TRMT6: variants seen among roughly 807,000 people sequenced by gnomAD.
TRMT6 encodes tRNA methyltransferase 6 non-catalytic subunit.
Under a neutral mutation model 59.0 loss-of-function variants are expected in TRMT6, and 34 were observed. That is an observed-to-expected ratio of 0.58 (90% confidence interval 0.44 to 0.77). The LOEUF (loss-of-function observed/expected upper bound fraction) is 0.77. TRMT6 is among the 30% of genes least tolerant of loss of function. The pLI, the probability that TRMT6 is intolerant of heterozygous loss-of-function variation, is 0.00. For synonymous variants in TRMT6, 217 were observed against 210.5 expected (o/e 1.03, Z -0.27); for missense variants, 575 against 604.5 (o/e 0.95, Z 0.51).
chr20:5,942,235 G>A (rs1422740575), intron 7 of TRMT6, 193 bp downstream of exon 7: 141 of 721,700 alleles, frequency 2.0e-4, no homozygotes, highest in African/African-American at 8.8e-5. Flanking sequence ...TCTATGCAAC[G>A]CTTCTGTATC....
At chr20:5,944,777 A>T in intron 3 of TRMT6, 28 bp downstream of exon 3, 1 of 1,582,516 alleles carries the variant, frequency 6.3e-7, no homozygotes, top group Non-Finnish European at 8.7e-7. Context: ...ACAGACAAAA[A>T]CAAAACTAAA....
chr20:5,943,179 T>C (rs573406512), intron 6 of TRMT6, among the ~76,000 whole-genome samples: 1 of 139,568 alleles, frequency 7.2e-6, no homozygotes, highest in African/African-American at 3.2e-5. Flanking sequence ...TGTTGTATTC[T>C]TCCAGAGAGA....
chr20:5,950,227 G>A lies in TRMT6; in HGVS notation c.128+51C>T, dbSNP rs374533662. On this transcript the variant is annotated intron_variant, in intron 1 of 10. Coordinates refer to ENST00000203001, the MANE Select transcript of TRMT6 (RefSeq NM_015939.5). Reference sequence around the variant, plus strand: ...CTGTGGAGAAACCTGGAGGGAGGGGGTATCTACAAGGTGGGGGCGGGAGAC... The same window carrying A: ...CTGTGGAGAAACCTGGAGGGAGGGGATATCTACAAGGTGGGGGCGGGAGAC... The A allele has an allele frequency of 2.7e-6, 4 of 1,496,016 alleles. No homozygotes were observed. The South Asian group carries it at 3.7e-5, about 14-fold the overall frequency. 92.7% of individuals were successfully genotyped at this position (1,496,016 alleles called of 1,614,324 possible).
At position 5,938,558 on chromosome 20, in the gene TRMT6, T is replaced by C; in HGVS notation, c.1471A>G (p.Lys491Glu). The C allele has an allele frequency of 6.2e-7, 1 of 1,614,136 alleles. No homozygotes were observed. The highest frequency in any genetic ancestry group is 8.5e-7 in the Non-Finnish European group (1 of 1,180,006). Residue 491 changes from lysine to glutamate, a missense_variant, in exon 11 of 11, where the codon AAA becomes GAA. Transcript: ENST00000203001. Reference sequence around the variant, plus strand: ...GGTTAAGAGTCAGACTCTGGGCATTTTCGTTTTTTAGCTGCAGGCTCCTCA... The same window carrying C: ...GGTTAAGAGTCAGACTCTGGGCATTCTCGTTTTTTAGCTGCAGGCTCCTCA... ...ETEEPAAKKR[K>E]CPESDS
Position 5,944,855 on chromosome 20 carries a change from G to T in TRMT6, c.316C>A (p.Leu106Ile). Reference protein sequence around the residue: ...NIVDDGKSQKLTQDDIKALKD... With the variant: ...NIVDDGKSQKITQDDIKALKD... ...AAAGCTTTTATGTCATCTTGAGTAA[G>T]TTTCTGAGATTTCCCATCATCAACT... is the stretch of plus-strand genomic sequence containing the variant. The change falls in exon 3 of 11, where the codon CTT becomes ATT. Residue 106 changes from leucine (L) to isoleucine (I), a missense_variant. Transcript: ENST00000203001. The T allele has an allele frequency of 6.2e-7, 1 of 1,614,026 alleles. No homozygotes were observed. The highest frequency in any genetic ancestry group is 8.5e-7 in the Non-Finnish European group (1 of 1,179,954).
intron 2 of TRMT6, 50 bp from the exon 3 acceptor site, chr20:5,944,964 C>T: frequency 6.8e-7 from 1 of 1,463,186 alleles, no homozygotes; most frequent in Admixed American, 1.7e-5. Flanking sequence ...AATTATTTGA[C>T]ACTTTCTTTT....
At chr20:5,950,215 T>C (rs1167778273) in intron 1 of TRMT6, 63 bp downstream of exon 1, 9 of 1,472,634 alleles carry the variant, frequency 6.1e-6, no homozygotes, top group Non-Finnish European at 8.2e-6. Context: ...TGGAGAAACC[T>C]GGAGGGAGGG....
chr20:5,943,804 G>A (rs1227199477), intron 5 of TRMT6, 121 bp from the exon 6 acceptor site: 2 of 1,527,730 alleles, frequency 1.3e-6, no homozygotes, highest in Non-Finnish European at 1.8e-6. Context: ...GATTGCTTTG[G>A]AGGTGACAGT....
At position 5,938,679 on chromosome 20, in the gene TRMT6, C is replaced by A; in HGVS notation, c.1350G>T (p.Gly450=). The A allele has an allele frequency of 6.2e-7, 1 of 1,614,128 alleles. No homozygotes were observed. Among genetic ancestry groups the A allele is most frequent in the South Asian group, 1.1e-5 (1 of 91,080 alleles). ...SHPKLLMSGG[G]GYLLSGFTVA... ...CGGTGAAGCCGGAGAGAAGATAACC[C>A]CCACCTCCACTCATCAGCAGTTTAG... Residue 450 remains glycine, a synonymous_variant, in exon 11 of 11, where the codon GGG becomes GGT. Transcript: ENST00000203001.
rs151034191 is a variant in TRMT6 at position 5,938,466 on chromosome 20, T to C, written c.*69A>G. 7.8e-4 allele frequency: 1,132 copies of C among 1,453,890 alleles called. 4 individuals are homozygous for C. In the African/African-American group the frequency reaches 0.015, roughly 19 times the overall value. The allele number at this position is 1,453,890 out of a possible 1,614,324, so 90.1% of individuals were successfully genotyped here. A position where few individuals can be genotyped will look rare whatever the true frequency, so the allele number is the denominator to read the frequency against. ...TGGGATATGAAAAAACAAGTAGTAA[T>C]GGCATTTAAAGTTTAATTACTAACT... On this transcript the variant is annotated 3_prime_UTR_variant, in exon 11 of 11. Transcript: ENST00000203001.
intron 1 of TRMT6, among the ~76,000 whole-genome samples, chr20:5,949,446 CT>C (rs2088752466): frequency 6.6e-6 from 1 of 152,208 alleles, no homozygotes; most frequent in Admixed American, 6.5e-5. Flanking sequence ...GCTCTTAGGA[CT>C]TAACAACCTC....
chr20:5,941,030 G>A (rs1239303462), intron 10 of TRMT6, 23 bp downstream of exon 10: 15 of 1,593,594 alleles, frequency 9.4e-6, no homozygotes, highest in Non-Finnish European at 1.2e-5. Flanking sequence ...GCAGCTCTTG[G>A]GACTGGCTGT....
chr20:5,948,987 G>C (rs890567130), intron 1 of TRMT6, among the ~76,000 whole-genome samples: 8 of 152,134 alleles, frequency 5.3e-5, no homozygotes, highest in African/African-American at 1.9e-4. Flanking sequence ...ATACTTCCCA[G>C]TCTGCAGAAA....
chr20:5,940,751 G>A (rs2088648770), intron 10 of TRMT6, among the ~76,000 whole-genome samples: 1 of 152,140 alleles, frequency 6.6e-6, no homozygotes, highest in Non-Finnish European at 1.5e-5. Context: ...CTGAGTAGCT[G>A]GGACTACAGG....
In TRMT6 at chr20:5,941,313, G is replaced by GGAGT. The variant is rs1568557872; in HGVS notation, c.1141_1144dup (p.Pro382HisfsTer47). ...AAAGTCCAGCAAAGACAGCAGCAGGGGAGTGGGGTGGAAACGACTAGCTAC... is the reference window on the plus strand; with the variant it reads ...AAAGTCCAGCAAAGACAGCAGCAGGGGAGTGAGTGGGGTGGAAACGACTAGCTAC... On this transcript the variant is annotated frameshift_variant, in exon 9 of 11. Coordinates refer to ENST00000203001, the MANE Select transcript of TRMT6 (RefSeq NM_015939.5). LOFTEE classifies it high-confidence loss of function. The GGAGT allele has an allele frequency of 6.2e-7, 1 of 1,614,148 alleles. No individual in the cohort carries two copies. Among genetic ancestry groups the GGAGT allele is most frequent in the East Asian group, 2.2e-5 (1 of 44,892 alleles).
intron 1 of TRMT6, 25 bp downstream of exon 1, chr20:5,950,253 C>T (rs1354493034): frequency 1.9e-6 from 3 of 1,583,364 alleles, no homozygotes; most frequent in South Asian, 1.1e-5. Context: ...GGCGGGAGAC[C>T]CCTAAAATCA....
Position 5,937,792 on chromosome 20 carries a change from ATGTG to A in TRMT6, c.*739_*742del, listed in dbSNP as rs1012078067. 1.3e-5 allele frequency: 2 copies of A among 152,166 alleles called. No homozygotes were observed. The highest frequency in any genetic ancestry group is 2.9e-5 in the Non-Finnish European group (2 of 68,008). The allele number at this position is 152,166 out of a possible 1,614,324, so 9.4% of individuals were successfully genotyped here. On this transcript the variant is annotated 3_prime_UTR_variant, in exon 11 of 11. Coordinates refer to ENST00000203001, the MANE Select transcript of TRMT6 (RefSeq NM_015939.5). Reference sequence around the variant, plus strand: ...TATATATACCAACATCTATATACATATGTGTGTGTGTGCAAATGTGTATCCATAA... The same window carrying A: ...TATATATACCAACATCTATATACATATGTGTGTGCAAATGTGTATCCATAA...
At position 5,946,552 on chromosome 20, in the gene TRMT6, C is replaced by G. The variant is rs1232390914; in HGVS notation, c.129-19G>C. ...TACTTTTCTAGGGAAAAAAAGTAAT[C>G]AATTAACTGAATATCTTTTCTATCC... On this transcript the variant is annotated intron_variant, in intron 1 of 10. Transcript: ENST00000203001. The G allele has an allele frequency of 1.2e-6, 2 of 1,611,352 alleles. No homozygotes were observed. The highest frequency in any genetic ancestry group is 1.7e-6 in the Non-Finnish European group (2 of 1,177,676).
At chr20:5,948,279 G>A (rs1042834374) in intron 1 of TRMT6, among the ~76,000 whole-genome samples, 6 of 152,284 alleles carry the variant, frequency 3.9e-5, no homozygotes, top group Admixed American at 3.9e-4. Context: ...GTGGGGCCCC[G>A]TTAGAGGGAT....
Sources: allele counts gnomAD v4.1 joint callset (sites outside exome capture counted in the v4.1 genomes callset), GRCh38; gene constraint gnomAD v4.1.1; transcripts MANE v1.5; gene names NCBI Gene and HGNC (gene_info 2026-07-23, HGNC 2026-07-21).